Variants in ALDH1A2 observed in about 807,000 individuals in gnomAD.
The protein encoded by ALDH1A2 is aldehyde dehydrogenase 1 family member A2.
Under a neutral mutation model 60.3 loss-of-function variants are expected in ALDH1A2, and 27 were observed. The observed-to-expected ratio is 0.45, with a 90% CI of 0.33 to 0.62. The LOEUF (loss-of-function observed/expected upper bound fraction) is 0.62. ALDH1A2 is among the 20% of genes least tolerant of loss of function. The pLI is 0.02. For missense variants in ALDH1A2, 581 were observed against 643.8 expected (o/e 0.90, Z 1.06); for synonymous variants, 289 against 232.4 (o/e 1.24, Z -2.21).
At chr15:58,030,205 T>C (rs1184292199) in intron 1 of ALDH1A2, among the ~76,000 whole-genome samples, 6 of 152,204 alleles carry the variant, frequency 3.9e-5, no homozygotes, top group African/African-American at 1.4e-4. Flanking sequence ...TCAAGTTGGC[T>C]TCATCCCTGG....
chr15:58,057,768 A>C (rs569109443), intron 1 of ALDH1A2, among the ~76,000 whole-genome samples: 1 of 152,284 alleles, frequency 6.6e-6, no homozygotes, highest in South Asian at 2.1e-4. Flanking sequence ...TCTTCAGAGC[A>C]GGGGCCACAC....
chr15:57,980,919 T>G (rs1894478507), intron 7 of ALDH1A2, among the ~76,000 whole-genome samples: 1 of 152,172 alleles, frequency 6.6e-6, no homozygotes, highest in South Asian at 2.1e-4. Context: ...GGTCCTGGGC[T>G]TTTCTTTTTG....
Position 57,963,412 on chromosome 15 carries a change from A to C in ALDH1A2, c.1086+473T>G, listed in dbSNP as rs540130269. On this transcript the variant is annotated intron_variant, in intron 9 of 12. Transcript: ENST00000249750. ...CCAGGCTGGTGGAGTGCAGTGGCACAGTCTGTAAGCTCCATCTCCCGGGTT... is the reference window on the plus strand; with the variant it reads ...CCAGGCTGGTGGAGTGCAGTGGCACCGTCTGTAAGCTCCATCTCCCGGGTT... 2.7e-5 allele frequency among the ~76,000 whole-genome samples: 4 copies of C among 149,800 alleles called. No homozygotes were observed. In the East Asian group the frequency reaches 7.9e-4, roughly 30 times the overall value.
intron 1 of ALDH1A2, among the ~76,000 whole-genome samples, chr15:58,027,982 A>C (rs1334748273): frequency 6.6e-6 from 1 of 152,222 alleles, no homozygotes; most frequent in East Asian, 1.9e-4. Flanking sequence ...TCTTCAGGAC[A>C]TTATCCAGGA....
chr15:57,964,998 G>A (rs1893845629), intron 8 of ALDH1A2, among the ~76,000 whole-genome samples: 1 of 151,858 alleles, frequency 6.6e-6, no homozygotes, highest in Non-Finnish European at 1.5e-5. Flanking sequence ...AGCTCTGCCT[G>A]GCAACAAGTG....
intron 12 of ALDH1A2, among the ~76,000 whole-genome samples, chr15:57,959,287 A>G (rs1360327251): frequency 6.6e-6 from 1 of 152,232 alleles, no homozygotes; most frequent in Non-Finnish European, 1.5e-5. Flanking sequence ...AGGAAATGAA[A>G]TAAGAAGCGG....
Position 58,010,359 on chromosome 15 carries a change from A to G in ALDH1A2, c.493+290T>C, listed in dbSNP as rs4646592. Among the ~76,000 whole-genome samples the G allele has an allele frequency of 0.46, 69,961 of 151,896 alleles. 16,715 individuals are homozygous for G. Among genetic ancestry groups the G allele is most frequent in the Non-Finnish European group, 0.54 (36,523 of 67,924 alleles). On this transcript the variant is annotated intron_variant, in intron 4 of 12. Transcript: ENST00000249750. ...AATAATGCCCCTTCATACCTACCCC[A>G]GCACCTAATCTAGCACAATGCTGAC...
At chr15:58,060,682 G>T (rs1189640711) in intron 1 of ALDH1A2, among the ~76,000 whole-genome samples, 1 of 152,072 alleles carries the variant, frequency 6.6e-6, no homozygotes, top group South Asian at 2.1e-4. Flanking sequence ...GGTTTCTGTG[G>T]CTCTGCCATT....
chr15:58,063,678 G>C (rs192136101), intron 1 of ALDH1A2, among the ~76,000 whole-genome samples: 1 of 152,304 alleles, frequency 6.6e-6, no homozygotes, highest in South Asian at 2.1e-4. Flanking sequence ...TTTGTGGAAA[G>C]AGCTCGCCTT....
At chr15:57,983,101 G>T (rs985207674) in intron 7 of ALDH1A2, among the ~76,000 whole-genome samples, 2 of 152,088 alleles carry the variant, frequency 1.3e-5, no homozygotes, top group Admixed American at 1.3e-4. Context: ...CTGCAGCTCT[G>T]GTGTTTAAAT....
intron 1 of ALDH1A2, among the ~76,000 whole-genome samples, chr15:58,049,891 T>A (rs1348901741): frequency 6.6e-6 from 1 of 152,062 alleles, no homozygotes; most frequent in African/African-American, 2.4e-5. Flanking sequence ...TGGAAACAAA[T>A]GTTCCTCTGC....
Position 58,044,835 on chromosome 15 carries a change from G to A in ALDH1A2, c.117+20699C>T, listed in dbSNP as rs189733843. On this transcript the variant is annotated intron_variant, in intron 1 of 12. Transcript: ENST00000249750. ...GAGGAGGGCCGGTTTTGGATGAGCA[G>A]AGGGAAAAGGGAATGGCCAAGCTAA... Among the ~76,000 whole-genome samples the A allele has an allele frequency of 4.7e-3, 715 of 152,132 alleles. 6 individuals carry two copies. Among genetic ancestry groups the A allele is most frequent in the Non-Finnish European group, 7.7e-3 (522 of 67,948 alleles).
intron 1 of ALDH1A2, chr15:58,058,140 T>C (rs1380633008): frequency 1.9e-5 from 26 of 1,395,124 alleles, no homozygotes; most frequent in Non-Finnish European, 2.3e-5. Context: ...TTGTTCTCCA[T>C]AAATTCATAC....
chr15:57,998,441 C>T (rs1895141454), intron 4 of ALDH1A2, among the ~76,000 whole-genome samples: 1 of 152,024 alleles, frequency 6.6e-6, no homozygotes, highest in Admixed American at 6.6e-5. Flanking sequence ...TGAATAAACT[C>T]CCATTCATAA....
intron 7 of ALDH1A2, among the ~76,000 whole-genome samples, chr15:57,984,791 T>G (rs1894641027): frequency 6.6e-6 from 1 of 152,216 alleles, no homozygotes; most frequent in African/African-American, 2.4e-5. Context: ...TTTCCACTTT[T>G]TGGCAATTAG....
At chr15:57,967,131 C>T (rs1397906431) in intron 7 of ALDH1A2, among the ~76,000 whole-genome samples, 6 of 151,996 alleles carry the variant, frequency 3.9e-5, no homozygotes, top group African/African-American at 1.5e-4. Context: ...AGCGGAGAAC[C>T]CCAGCTAGGA....
intron 8 of ALDH1A2, among the ~76,000 whole-genome samples, chr15:57,965,087 C>T (rs1430343178): frequency 6.6e-6 from 1 of 152,002 alleles, no homozygotes; most frequent in Non-Finnish European, 1.5e-5. Context: ...AGAAACGTCA[C>T]ACCTGTGCAG....
chr15:57,975,599 T>A (rs910163220), intron 7 of ALDH1A2, among the ~76,000 whole-genome samples: 1 of 152,214 alleles, frequency 6.6e-6, no homozygotes, highest in Admixed American at 6.5e-5. Context: ...AGATTTCAGA[T>A]TTTTTGAATT....
At chr15:58,025,115 T>C (rs1896044005) in intron 1 of ALDH1A2, among the ~76,000 whole-genome samples, 3 of 152,176 alleles carry the variant, frequency 2.0e-5, no homozygotes, top group Admixed American at 1.3e-4. Context: ...TTTATCAATG[T>C]ACCTTGAGAA....
Sources: gnomAD v4.1 joint callset for allele counts (sites outside exome capture counted in the v4.1 genomes callset) on GRCh38, gnomAD v4.1.1 for gene constraint, MANE v1.5 for transcripts, NCBI Gene and HGNC (gene_info 2026-07-23, HGNC 2026-07-21) for gene names.